CELSR1: variants seen among roughly 807,000 people sequenced by gnomAD.
CELSR1 encodes the protein adhesion G protein-coupled receptor C1.
A neutral mutation model predicts 249.1 loss-of-function variants in CELSR1; 110 were observed. The observed-to-expected ratio is 0.44, with a 90% CI of 0.38 to 0.52. The LOEUF (loss-of-function observed/expected upper bound fraction) is 0.52. Among genes scored for constraint, CELSR1 ranks in the 20% least tolerant of loss-of-function variants. The pLI, the probability that CELSR1 is intolerant of heterozygous loss-of-function variation, is 0.00. For missense variants in CELSR1, 4,109 were observed against 4,296.4 expected (o/e 0.96, Z 1.22); for synonymous variants, 2,113 against 1,900.0 (o/e 1.11, Z -2.92).
At chr22:46,371,543 C>T (rs1024717768) in intron 25 of CELSR1, among the ~76,000 whole-genome samples, 2 of 152,056 alleles carry the variant, frequency 1.3e-5, no homozygotes, top group Non-Finnish European at 2.9e-5. Context: ...TTCATTCATC[C>T]ACTCACTCAT....
At position 46,380,779 on chromosome 22, in the gene CELSR1, C is replaced by T. The variant is rs2078969189; in HGVS notation, c.7256+9G>A. On this transcript the variant is annotated intron_variant, in intron 22 of 34. Transcript: ENST00000674500. The surrounding 1 kb of genome is among the most constrained non-coding windows in gnomAD (Gnocchi z 5.1). ...AGCCCTCACATGGGGCTCCTGGCGTCACACTTACGCCAGGGAGTGGTTCCA... is the reference window on the plus strand; with the variant it reads ...AGCCCTCACATGGGGCTCCTGGCGTTACACTTACGCCAGGGAGTGGTTCCA... 6.2e-7 allele frequency: 1 copy of T among 1,610,444 alleles called. No homozygotes were observed. Among genetic ancestry groups the T allele is most frequent in the Non-Finnish European group, 8.5e-7 (1 of 1,178,622 alleles).
In CELSR1 at chr22:46,433,663, A is replaced by G. The variant is rs1205272774; in HGVS notation, c.4523-182T>C. ...CCATCCATTTTCTTTTCTGGTTACAAAAGTAATTCTTGTTCCTCTTTTCTG... is the reference window on the plus strand; with the variant it reads ...CCATCCATTTTCTTTTCTGGTTACAGAAGTAATTCTTGTTCCTCTTTTCTG... On this transcript the variant is annotated intron_variant, in intron 4 of 34. Transcript: ENST00000674500. The surrounding 1 kb of genome is among the most constrained non-coding windows in gnomAD (Gnocchi z 5.7). 1.3e-5 allele frequency among the ~76,000 whole-genome samples: 2 copies of G among 152,098 alleles called. No individual in the cohort carries two copies. The highest frequency in any genetic ancestry group is 1.3e-4 in the Admixed American group (2 of 15,282).
intron 1 of CELSR1, among the ~76,000 whole-genome samples, chr22:46,525,087 T>C (rs554798316): frequency 3.4e-4 from 52 of 152,326 alleles, no homozygotes; most frequent in African/African-American, 1.2e-3. Context: ...TGGACCCTCA[T>C]GGCTTGAACT....
Position 46,413,974 on chromosome 22 carries a change from T to C in CELSR1, c.4612-2215A>G, listed in dbSNP as rs935730439. Among the ~76,000 whole-genome samples, 2 of 152,180 alleles carry C rather than the reference T, an allele frequency of 1.3e-5. No homozygotes were observed. Among genetic ancestry groups the C allele is most frequent in the Admixed American group, 1.3e-4 (2 of 15,276 alleles). ...TTACACTGGGAAGGCTTTCATGACA[T>C]TAAGCTACTGTTTACAAAACTGCAG... On this transcript the variant is annotated intron_variant, in intron 5 of 34. Transcript: ENST00000674500. The surrounding 1 kb of genome is among the most constrained non-coding windows in gnomAD (Gnocchi z 4.7).
At chr22:46,435,490 C>G (rs1181379521) in intron 4 of CELSR1, among the ~76,000 whole-genome samples, 1 of 151,832 alleles carries the variant, frequency 6.6e-6, no homozygotes, top group Admixed American at 6.6e-5. Flanking sequence ...CCATGTTAGC[C>G]AGGCTGGTCT....
chr22:46,483,819 C>A (rs186848101), intron 1 of CELSR1, among the ~76,000 whole-genome samples: 1 of 152,142 alleles, frequency 6.6e-6, no homozygotes, highest in Non-Finnish European at 1.5e-5. Context: ...GCAGTCTCCA[C>A]GTGTCTACTC....
Position 46,536,232 on chromosome 22 carries a change from G to C in CELSR1, c.939C>G (p.Arg313=), listed in dbSNP as rs371370417. ...TGAGGACGTGCGTCTCCTTGGTCTC[G>C]CGGTCCAGTACGCTGTCCGTGCTCA... The part of the protein sequence containing the change: ...GAVSTDSVLD[R]ETKETHVLRV... Residue 313 remains arginine, a synonymous_variant, in exon 1 of 35, where the codon CGC becomes CGG. Transcript: ENST00000674500. The C allele has an allele frequency of 6.2e-7, 1 of 1,612,376 alleles. No homozygotes were observed. The highest frequency in any genetic ancestry group is 8.5e-7 in the Non-Finnish European group (1 of 1,179,988).
Position 46,407,327 on chromosome 22 carries a change from GCA to G in CELSR1, c.5226+1667_5226+1668del, listed in dbSNP as rs370743154. The stretch of plus-strand genomic sequence containing the variant: ...CACACACACTTGCACGGAGATATGC[GCA>G]CACACACACACAAACTTGGAGAAAA... On this transcript the variant is annotated intron_variant, in intron 9 of 34. Transcript: ENST00000674500. The surrounding 1 kb of genome is among the most constrained non-coding windows in gnomAD (Gnocchi z 4.8). Among the ~76,000 whole-genome samples, 1 of 151,884 alleles carries G rather than the reference GCA, an allele frequency of 6.6e-6. No individual in the cohort carries two copies. Among genetic ancestry groups the G allele is most frequent in the East Asian group, 1.9e-4 (1 of 5,184 alleles).
At chr22:46,443,735 T>C (rs2079783280) in intron 2 of CELSR1, among the ~76,000 whole-genome samples, 1 of 152,220 alleles carries the variant, frequency 6.6e-6, no homozygotes, top group Admixed American at 6.5e-5. Flanking sequence ...CACAGATGCA[T>C]ACCTGCACAC....
At chr22:46,443,158 T>C (rs1324988756) in intron 2 of CELSR1, among the ~76,000 whole-genome samples, 1 of 151,174 alleles carries the variant, frequency 6.6e-6, no homozygotes, top group East Asian at 1.9e-4. Context: ...CAGATTCCAG[T>C]ATGAAGCCCT....
At position 46,369,770 on chromosome 22, in the gene CELSR1, C is replaced by T. The variant is rs980850884; in HGVS notation, c.7794G>A (p.Gly2598=). 4.3e-6 allele frequency: 7 copies of T among 1,613,178 alleles called. No individual in the cohort carries two copies. In the African/African-American group the frequency reaches 6.7e-5, roughly 15 times the overall value. The change falls in exon 26 of 35, where the codon GGG becomes GGA. Residue 2598 remains glycine (G), a synonymous_variant. Transcript: ENST00000674500. ...LAVGLDPQGY[G]NPDFCWLSLQ... ...GCGACAGCCAGCAGAAGTCGGGGTTCCCGTAGCCCTGGGGGTCCAGGCCGA... is the reference window on the plus strand; with the variant it reads ...GCGACAGCCAGCAGAAGTCGGGGTTTCCGTAGCCCTGGGGGTCCAGGCCGA...
chr22:46,478,449 C>T lies in CELSR1; in HGVS notation c.3545-14104G>A, dbSNP rs543379457. ...ATGCCTTCCAGCATGACAATGCGGC[C>T]CTGAGCACCTGCCAAGGGACAACCA... On this transcript the variant is annotated intron_variant, in intron 1 of 34. Transcript: ENST00000674500. Among the ~76,000 whole-genome samples the T allele has an allele frequency of 5.3e-5, 8 of 152,310 alleles. No homozygotes were observed. The South Asian group carries it at 1.7e-3, about 32-fold the overall frequency.
Position 46,511,452 on chromosome 22 carries a change from C to T in CELSR1, c.3544+22175G>A, listed in dbSNP as rs116689547. ...AGCATCGCTCCAAAACAGAGCATGG[C>T]GTGGAGCAGACTTTCCTTCTGCTCT... is the stretch of plus-strand genomic sequence containing the variant. On this transcript the variant is annotated intron_variant, in intron 1 of 34. Transcript: ENST00000674500. Among the ~76,000 whole-genome samples, 989 of 152,302 alleles carry T rather than the reference C, an allele frequency of 6.5e-3. 5 individuals carry two copies. Among genetic ancestry groups the T allele is most frequent in the Non-Finnish European group, 0.012 (816 of 68,030 alleles).
intron 1 of CELSR1, among the ~76,000 whole-genome samples, chr22:46,476,306 A>T (rs1250902656): frequency 6.6e-6 from 1 of 152,160 alleles, no homozygotes; most frequent in Non-Finnish European, 1.5e-5. Flanking sequence ...AGCCATAAAG[A>T]GGAAGTAGGC....
rs1485276191 is a variant in CELSR1 at position 46,378,615 on chromosome 22, C to A, written c.7359G>T (p.Val2453=). The A allele has an allele frequency of 1.9e-6, 3 of 1,589,446 alleles. No individual in the cohort carries two copies. Among genetic ancestry groups the A allele is most frequent in the Non-Finnish European group, 2.6e-6 (3 of 1,168,786 alleles). ...CQCSHTASFA[V]LMDISRRENG... ...CCTCACGCCTGGAGATATCCATGAG[C>A]ACCGCAAAGCTGGCTGTGTGGCTGC... The change falls in exon 23 of 35, where the codon GTG becomes GTT. Residue 2453 remains valine, a synonymous_variant. Coordinates refer to ENST00000674500, the MANE Select transcript of CELSR1 (RefSeq NM_001378328.1).
intron 2 of CELSR1, among the ~76,000 whole-genome samples, chr22:46,449,951 C>G (rs73454558): frequency 2.0e-5 from 3 of 152,098 alleles, no homozygotes; most frequent in African/African-American, 7.2e-5. Context: ...CTCACATGCA[C>G]GCACTCACAT....
chr22:46,368,291 G>A (rs940177417), intron 27 of CELSR1, among the ~76,000 whole-genome samples: 1 of 152,076 alleles, frequency 6.6e-6, no homozygotes, highest in African/African-American at 2.4e-5. Flanking sequence ...GGAAGACAAA[G>A]GCGCATCCCC....
In CELSR1 at chr22:46,390,289, C is replaced by G. The variant is rs2079075244; in HGVS notation, c.6345+103G>C. 2.1e-6 allele frequency: 2 copies of G among 967,744 alleles called. No individual in the cohort carries two copies. Among genetic ancestry groups the G allele is most frequent in the Admixed American group, 2.5e-5 (1 of 39,624 alleles). The allele number at this position is 967,744 out of a possible 1,614,324, so 59.9% of individuals were successfully genotyped here. Reference sequence around the variant, plus strand: ...CTGTCCCTGCGCCATCCCAGCCGCCCCAACACTCCCCAGCCCAGGAGCCTC... The same window carrying G: ...CTGTCCCTGCGCCATCCCAGCCGCCGCAACACTCCCCAGCCCAGGAGCCTC... On this transcript the variant is annotated intron_variant, in intron 17 of 34. Transcript: ENST00000674500. The surrounding 1 kb of genome is among the most constrained non-coding windows in gnomAD (Gnocchi z 6.3).
At chr22:46,498,001 C>A (rs1400843932) in intron 1 of CELSR1, among the ~76,000 whole-genome samples, 2 of 152,062 alleles carry the variant, frequency 1.3e-5, no homozygotes, top group East Asian at 1.9e-4. Flanking sequence ...GTAATCCCAG[C>A]ACTTTGGGAG....
Sources: gnomAD v4.1 joint callset for allele counts (sites outside exome capture counted in the v4.1 genomes callset) on GRCh38, gnomAD v4.1.1 for gene constraint, Gnocchi (gnomAD v3.1) non-coding constraint, MANE v1.5 for transcripts, NCBI Gene and HGNC (gene_info 2026-07-23, HGNC 2026-07-21) for gene names.